APBA2: variants seen among roughly 807,000 people sequenced by gnomAD.
The protein encoded by APBA2 is amyloid beta precursor protein binding family A member 2.
A neutral mutation model predicts 75.0 loss-of-function variants in APBA2; 30 were observed. The observed-to-expected ratio is 0.40, with a 90% CI of 0.30 to 0.54. The LOEUF is 0.54. Ranked by LOEUF, APBA2 falls within the 20% of genes least tolerant of loss-of-function variation. The pLI, the probability that APBA2 is intolerant of heterozygous loss-of-function variation, is 0.49. For synonymous variants in APBA2, 444 were observed against 409.6 expected, an observed-to-expected ratio of 1.08 and a Z score of -1.01; for missense variants, 801 against 1,016.1, an observed-to-expected ratio of 0.79 and a Z score of 2.88.
At chr15:28,898,358 C>G (rs996770999) in intron 1 of APBA2, among the ~76,000 whole-genome samples, 1 of 152,204 alleles carries the variant, frequency 6.6e-6, no homozygotes, top group African/African-American at 2.4e-5. Context: ...CAGAATAGAT[C>G]AGTACCCCGA....
At chr15:29,111,192 G>T (rs978789274) in intron 13 of APBA2, among the ~76,000 whole-genome samples, 1 of 151,998 alleles carries the variant, frequency 6.6e-6, no homozygotes, top group Admixed American at 6.5e-5. Flanking sequence ...CTGAGTTCCG[G>T]AGTGATGGAG....
At chr15:28,894,628 G>C (rs545697586) in intron 1 of APBA2, among the ~76,000 whole-genome samples, 11 of 152,316 alleles carry the variant, frequency 7.2e-5, no homozygotes, top group Middle Eastern at 3.4e-3. Context: ...ATGGGGGTTG[G>C]AGGGCAGTTG....
intron 3 of APBA2, among the ~76,000 whole-genome samples, chr15:29,037,130 A>G (rs1385322970): frequency 6.6e-6 from 1 of 152,216 alleles, no homozygotes; most frequent in Non-Finnish European, 1.5e-5. Flanking sequence ...CTTGCTACTT[A>G]AAGACATCTT....
At chr15:29,022,579 C>T (rs7176462) in intron 3 of APBA2, among the ~76,000 whole-genome samples, 1 of 151,798 alleles carries the variant, frequency 6.6e-6, no homozygotes, top group African/African-American at 2.4e-5. Flanking sequence ...GCTGATTTGA[C>T]ATGTTACCTT....
At chr15:28,942,498 C>T (rs959100957) in intron 2 of APBA2, among the ~76,000 whole-genome samples, 3 of 152,166 alleles carry the variant, frequency 2.0e-5, no homozygotes, top group Non-Finnish European at 4.4e-5. Flanking sequence ...ATGGGGAGCA[C>T]ATGGAACTTA....
At chr15:29,059,405 T>C (rs998076541) in intron 4 of APBA2, among the ~76,000 whole-genome samples, 6 of 152,120 alleles carry the variant, frequency 3.9e-5, no homozygotes, top group African/African-American at 1.2e-4. Flanking sequence ...TTCTGTAGCG[T>C]ATGATGAAGT....
intron 4 of APBA2, among the ~76,000 whole-genome samples, chr15:29,068,751 G>C (rs1053345338): frequency 6.6e-6 from 1 of 152,220 alleles, no homozygotes; most frequent in Non-Finnish European, 1.5e-5. Context: ...CTCAGTACAA[G>C]CTGGCGGATG....
intron 3 of APBA2, among the ~76,000 whole-genome samples, chr15:29,049,197 A>G (rs1335978132): frequency 6.6e-6 from 1 of 152,198 alleles, no homozygotes; most frequent in East Asian, 1.9e-4. Flanking sequence ...CCTAGTTCCT[A>G]TCTGAGACAT....
chr15:29,083,073 T>A (rs2043149905), intron 6 of APBA2, among the ~76,000 whole-genome samples: 3 of 151,918 alleles, frequency 2.0e-5, no homozygotes, highest in Admixed American at 1.3e-4. Flanking sequence ...AAAAAAAAAA[T>A]TAATTGATTA....
intron 2 of APBA2, among the ~76,000 whole-genome samples, chr15:28,983,815 G>T (rs2037753735): frequency 1.3e-5 from 2 of 152,204 alleles, no homozygotes; most frequent in South Asian, 4.1e-4. Flanking sequence ...GGAAGGTTAG[G>T]CCATGGGATC....
At chr15:28,915,463 A>G (rs1444715484) in intron 1 of APBA2, among the ~76,000 whole-genome samples, 1 of 148,300 alleles carries the variant, frequency 6.7e-6, no homozygotes, top group East Asian at 2.0e-4. Context: ...CACACACCAC[A>G]TAATACCATA....
At chr15:28,922,946 G>A (rs2034055566) in intron 2 of APBA2, among the ~76,000 whole-genome samples, 1 of 152,162 alleles carries the variant, frequency 6.6e-6, no homozygotes, top group Non-Finnish European at 1.5e-5. Flanking sequence ...TGCCCATGTG[G>A]TAGAACTGGA....
At chr15:28,922,848 G>C (rs2034048579) in intron 2 of APBA2, among the ~76,000 whole-genome samples, 1 of 152,204 alleles carries the variant, frequency 6.6e-6, no homozygotes, top group Non-Finnish European at 1.5e-5. Flanking sequence ...AGGCACAGCA[G>C]GATTTATCCC....
intron 2 of APBA2, among the ~76,000 whole-genome samples, chr15:28,945,465 G>T (rs1002003465): frequency 6.6e-5 from 10 of 151,950 alleles, no homozygotes; most frequent in Admixed American, 6.6e-4. Context: ...GTGCAGTTTT[G>T]TGTGTTTAGG....
At chr15:29,094,126 T>C (rs1280640570) in intron 7 of APBA2, 152 bp from the exon 8 acceptor site, 2 of 794,790 alleles carry the variant, frequency 2.5e-6, no homozygotes, top group Admixed American at 3.8e-5. Flanking sequence ...TGTGTGTGCT[T>C]GAAGTGGGCA....
chr15:29,033,136 A>G (rs922615399), intron 3 of APBA2, among the ~76,000 whole-genome samples: 22 of 152,170 alleles, frequency 1.4e-4, no homozygotes, highest in African/African-American at 5.1e-4. Context: ...CCAGATGCCT[A>G]GGTGATCTGT....
At chr15:28,940,582 A>G (rs1465391241) in intron 2 of APBA2, among the ~76,000 whole-genome samples, 3 of 151,686 alleles carry the variant, frequency 2.0e-5, no homozygotes, top group Non-Finnish European at 2.9e-5. Context: ...AAAGAAAAGA[A>G]AAAGAAAAAC....
At chr15:29,047,251 G>A (rs935725114) in intron 3 of APBA2, among the ~76,000 whole-genome samples, 3 of 152,322 alleles carry the variant, frequency 2.0e-5, no homozygotes, top group Middle Eastern at 3.4e-3. Context: ...TGCCTTCTGG[G>A]TAGCTGCTGT....
At chr15:28,911,591 A>G (rs1483499059) in intron 1 of APBA2, among the ~76,000 whole-genome samples, 1 of 152,174 alleles carries the variant, frequency 6.6e-6, no homozygotes, top group Non-Finnish European at 1.5e-5. Context: ...TTCTTTGTTC[A>G]TCTCAATAGA....
Sources: allele counts gnomAD v4.1 joint callset (sites outside exome capture counted in the v4.1 genomes callset), GRCh38; gene constraint gnomAD v4.1.1; transcripts MANE v1.5; gene names NCBI Gene and HGNC (gene_info 2026-07-23, HGNC 2026-07-21).